The following KHDRBS2 variants were observed in gnomAD, a reference collection of about 807,000 sequenced individuals.
KHDRBS2 encodes the protein KH RNA binding domain containing, signal transduction associated 2.
In KHDRBS2, 26 loss-of-function variants were observed where a neutral mutation model predicts 44.3. The ratio of observed to expected loss-of-function variants is 0.59; its 90% CI spans 0.43 to 0.81. The LOEUF (loss-of-function observed/expected upper bound fraction) is 0.81. Ranked by LOEUF, KHDRBS2 falls within the 40% of genes least tolerant of loss-of-function variation. KHDRBS2 has a pLI of 0.00. For synonymous variants in KHDRBS2, 194 were observed against 151.1 expected, an observed-to-expected ratio of 1.28 and a Z score of -2.08; for missense variants, 476 against 433.1, an observed-to-expected ratio of 1.10 and a Z score of -0.88.
chr6:62,239,274 A>G (rs545284970), intron 1 of KHDRBS2, among the ~76,000 whole-genome samples: 1 of 152,316 alleles, frequency 6.6e-6, no homozygotes, highest in Admixed American at 6.5e-5. Flanking sequence ...ATTTACACAC[A>G]TTGAAAGCAC....
chr6:62,009,886 G>A (rs145776858), intron 3 of KHDRBS2, among the ~76,000 whole-genome samples: 2 of 152,190 alleles, frequency 1.3e-5, no homozygotes, highest in Non-Finnish European at 2.9e-5. Context: ...GTAGGGGCAG[G>A]GTCCTCATGT....
chr6:61,871,374 A>C (rs1032969657), intron 6 of KHDRBS2, among the ~76,000 whole-genome samples: 4 of 152,214 alleles, frequency 2.6e-5, no homozygotes, highest in Non-Finnish European at 5.9e-5. Flanking sequence ...GACTAAATCT[A>C]TGTTTGATTG....
At chr6:61,630,912 G>GT in the KHDRBS2 span, among the ~76,000 whole-genome samples, 1 of 152,084 alleles carries the variant, frequency 6.6e-6, no homozygotes, top group Non-Finnish European at 1.5e-5. Flanking sequence ...GTATTCTGTG[G>GT]TTTTTTAGAC....
At chr6:61,954,405 GCA>G (rs1404671954) in intron 4 of KHDRBS2, among the ~76,000 whole-genome samples, 48 of 87,092 alleles carry the variant, frequency 5.5e-4, no homozygotes, top group African/African-American at 1.4e-3. Context: ...ACGTATGTAT[GCA>G]TGCATACATA....
intron 6 of KHDRBS2, among the ~76,000 whole-genome samples, chr6:61,856,913 T>C (rs1796239561): frequency 1.3e-5 from 2 of 152,068 alleles, no homozygotes; most frequent in African/African-American, 2.4e-5. Flanking sequence ...TAGAACATAT[T>C]GGGAAAAAAA....
the KHDRBS2 span, chr6:61,574,279 C>A: frequency 7.5e-7 from 1 of 1,325,874 alleles, no homozygotes; most frequent in Admixed American, 2.0e-5. Context: ...GTACCCTAAC[C>A]GTGCAAAGGT....
chr6:62,082,263 A>AG (rs1323994877), intron 2 of KHDRBS2, among the ~76,000 whole-genome samples: 1 of 151,948 alleles, frequency 6.6e-6, no homozygotes, highest in African/African-American at 2.4e-5. Flanking sequence ...GACAAGAAAA[A>AG]GGGCCAAAAT....
intron 6 of KHDRBS2, among the ~76,000 whole-genome samples, chr6:61,853,334 T>G (rs1214458336): frequency 1.3e-5 from 2 of 152,192 alleles, no homozygotes; most frequent in Non-Finnish European, 2.9e-5. Flanking sequence ...ATTTACCACA[T>G]AATTTAACAA....
intron 2 of KHDRBS2, among the ~76,000 whole-genome samples, chr6:62,139,543 A>G (rs1812321031): frequency 8.2e-6 from 1 of 121,566 alleles, no homozygotes. Flanking sequence ...ACAGAGTAAG[A>G]CTCCGCCTCA....
intron 2 of KHDRBS2, among the ~76,000 whole-genome samples, chr6:62,165,251 T>A (rs1312527379): frequency 6.6e-6 from 1 of 150,490 alleles, no homozygotes; most frequent in Non-Finnish European, 1.5e-5. Flanking sequence ...ATTTATTTAT[T>A]TATTTATTTA....
At chr6:62,155,924 C>T (rs985322743) in intron 2 of KHDRBS2, among the ~76,000 whole-genome samples, 1 of 152,076 alleles carries the variant, frequency 6.6e-6, no homozygotes, top group Non-Finnish European at 1.5e-5. Flanking sequence ...GGGGAAAAAT[C>T]CCATCATAAT....
the KHDRBS2 span, among the ~76,000 whole-genome samples, chr6:61,598,269 A>G: frequency 6.6e-6 from 1 of 151,702 alleles, no homozygotes; most frequent in Non-Finnish European, 1.5e-5. Flanking sequence ...AACAAGAGGT[A>G]TACCTAAACA....
At chr6:61,551,947 G>T in the KHDRBS2 span, among the ~76,000 whole-genome samples, 41 of 151,836 alleles carry the variant, frequency 2.7e-4, 1 homozygote, top group Non-Finnish European at 1.2e-4. Flanking sequence ...TTTTGATTTG[G>T]CTCCCAACTT....
chr6:61,955,534 GTATATATACACATA>G lies in KHDRBS2; in HGVS notation c.483+22518_483+22531del, dbSNP rs1245166949. On this transcript the variant is annotated intron_variant, in intron 4 of 8. Coordinates refer to ENST00000281156, the MANE Select transcript of KHDRBS2 (RefSeq NM_152688.4). The stretch of plus-strand genomic sequence containing the variant: ...CACATATGTATGTATGTATACATGT[GTATATATACACATA>G]TGTATGTATACATGTGTATATATAC... Among the ~76,000 whole-genome samples, 32 of 60,456 alleles carry G rather than the reference GTATATATACACATA, an allele frequency of 5.3e-4. 7 individuals are homozygous for G. The highest frequency in any genetic ancestry group is 4.7e-3 in the South Asian group (7 of 1,496). 39.7% of individuals were successfully genotyped at this position (60,456 alleles called of 152,430 possible).
At chr6:62,212,562 A>G (rs1436805791) in intron 1 of KHDRBS2, among the ~76,000 whole-genome samples, 1 of 152,180 alleles carries the variant, frequency 6.6e-6, no homozygotes, top group African/African-American at 2.4e-5. Flanking sequence ...ATATTGGAAT[A>G]GGGTGGACCT....
intron 2 of KHDRBS2, among the ~76,000 whole-genome samples, chr6:62,145,312 A>C (rs2150101265): frequency 6.6e-6 from 1 of 151,370 alleles, no homozygotes; most frequent in African/African-American, 2.4e-5. Context: ...TGAATTAATA[A>C]ATTTATTTTA....
the KHDRBS2 span, among the ~76,000 whole-genome samples, chr6:61,554,634 C>A: frequency 0.024 from 3,721 of 152,162 alleles, 71 homozygotes; most frequent in Middle Eastern, 0.085. Context: ...GTGTTTTTGT[C>A]GTGGCTTGTA....
At chr6:61,926,921 G>T (rs1307838547) in intron 4 of KHDRBS2, among the ~76,000 whole-genome samples, 1 of 151,554 alleles carries the variant, frequency 6.6e-6, no homozygotes, top group East Asian at 1.9e-4. Flanking sequence ...TTATATGTGT[G>T]CAAAATGAAA....
chr6:61,819,852 A>C (rs1257582334), intron 6 of KHDRBS2, among the ~76,000 whole-genome samples: 1 of 152,046 alleles, frequency 6.6e-6, no homozygotes, highest in Non-Finnish European at 1.5e-5. Flanking sequence ...TAAAATGGCC[A>C]AGCCAAGAGC....
Sources: allele counts gnomAD v4.1 joint callset (sites outside exome capture counted in the v4.1 genomes callset), GRCh38; gene constraint gnomAD v4.1.1; transcripts MANE v1.5; gene names NCBI Gene and HGNC (gene_info 2026-07-23, HGNC 2026-07-21).